Variants in PDZRN4 observed in about 807,000 individuals in gnomAD.
PDZRN4 encodes PDZ domain containing ring finger 4, also known as PDZ domain-containing RING finger protein 4.
A neutral mutation model predicts 99.0 loss-of-function variants in PDZRN4; 70 were observed. That is an observed-to-expected ratio of 0.71 (90% confidence interval 0.58 to 0.86). The LOEUF (loss-of-function observed/expected upper bound fraction) is 0.86, where lower values mean the gene tolerates loss of function less well. Ranked by LOEUF, PDZRN4 falls within the 40% of genes least tolerant of loss-of-function variation. The probability of loss-of-function intolerance (pLI) is 0.00; values close to 1 mark genes in which losing one functional copy is unlikely to be tolerated. For missense variants in PDZRN4, 1,474 were observed against 1,331.2 expected (o/e 1.11, Z -1.67); for synonymous variants, 551 against 501.6 (o/e 1.10, Z -1.32).
At chr12:41,292,897 T>G (rs376874793) in intron 3 of PDZRN4, among the ~76,000 whole-genome samples, 1 of 152,018 alleles carries the variant, frequency 6.6e-6, no homozygotes, top group Non-Finnish European at 1.5e-5. Context: ...CTCACTATTA[T>G]GAAAAGACCA....
rs1474554417 is a variant in PDZRN4 at position 41,327,698 on chromosome 12, G to A, written c.843+133510G>A. ...GTTGTTAAAGAACTCACAGTCACCA[G>A]TCACTACAACCTCTCCAGTGGTTCC... On this transcript the variant is annotated intron_variant, in intron 3 of 9. Transcript: ENST00000402685. Among the ~76,000 whole-genome samples, 5 of 152,118 alleles carry A rather than the reference G, an allele frequency of 3.3e-5. No homozygotes were observed. In the South Asian group the frequency reaches 6.2e-4, roughly 19 times the overall value.
intron 3 of PDZRN4, among the ~76,000 whole-genome samples, chr12:41,260,494 C>A (rs1050151609): frequency 6.6e-6 from 1 of 151,936 alleles, no homozygotes; most frequent in East Asian, 1.9e-4. Flanking sequence ...AAGTTATGAC[C>A]CCAATTATAC....
At chr12:41,355,869 C>T (rs941070110) in intron 3 of PDZRN4, among the ~76,000 whole-genome samples, 6 of 152,032 alleles carry the variant, frequency 3.9e-5, no homozygotes, top group African/African-American at 9.6e-5. Flanking sequence ...GACAAATGAA[C>T]GCATGTATTA....
chr12:41,398,767 T>C lies in PDZRN4; in HGVS notation c.844-107689T>C, dbSNP rs1481473592. On this transcript the variant is annotated intron_variant, in intron 3 of 9. Transcript: ENST00000402685. Reference sequence around the variant, plus strand: ...CTCTTCTCATTTCTTTCATACCTGCTGTATGTAAATTATAATACAAGAGTT... The same window carrying C: ...CTCTTCTCATTTCTTTCATACCTGCCGTATGTAAATTATAATACAAGAGTT... 2.0e-5 allele frequency among the ~76,000 whole-genome samples: 3 copies of C among 152,182 alleles called. No homozygotes were observed. In the South Asian group the frequency reaches 6.2e-4, roughly 31 times the overall value.
At chr12:41,359,324 A>G (rs1000101886) in intron 3 of PDZRN4, among the ~76,000 whole-genome samples, 2 of 152,050 alleles carry the variant, frequency 1.3e-5, no homozygotes, top group Non-Finnish European at 2.9e-5. Flanking sequence ...AAATTATTAC[A>G]TTAATATATC....
At chr12:41,539,265 A>G (rs2120761863) in intron 5 of PDZRN4, among the ~76,000 whole-genome samples, 1 of 152,152 alleles carries the variant, frequency 6.6e-6, no homozygotes, top group Non-Finnish European at 1.5e-5. Context: ...AAATATCCTG[A>G]GTTTTTTGGG....
intron 3 of PDZRN4, among the ~76,000 whole-genome samples, chr12:41,218,915 G>A (rs1223443232): frequency 6.6e-6 from 1 of 151,628 alleles, no homozygotes; most frequent in Non-Finnish European, 1.5e-5. Flanking sequence ...CAATAGCTAG[G>A]AATATTATTT....
At chr12:41,300,486 C>T (rs898158409) in intron 3 of PDZRN4, among the ~76,000 whole-genome samples, 4 of 151,904 alleles carry the variant, frequency 2.6e-5, no homozygotes, top group African/African-American at 9.7e-5. Flanking sequence ...AATAAACTGT[C>T]TGGCACACCC....
chr12:41,372,994 A>G (rs1952053408), intron 3 of PDZRN4, among the ~76,000 whole-genome samples: 2 of 152,134 alleles, frequency 1.3e-5, no homozygotes, highest in African/African-American at 4.8e-5. Flanking sequence ...AAATAGAGAA[A>G]TTTTAAAGCT....
intron 3 of PDZRN4, among the ~76,000 whole-genome samples, chr12:41,322,754 C>T (rs1415180294): frequency 6.6e-6 from 1 of 152,006 alleles, no homozygotes; most frequent in Non-Finnish European, 1.5e-5. Context: ...CCTTGGCCTC[C>T]CAAAGTGCTG....
At chr12:41,426,876 G>A (rs1952541507) in intron 3 of PDZRN4, among the ~76,000 whole-genome samples, 3 of 152,162 alleles carry the variant, frequency 2.0e-5, no homozygotes, top group Non-Finnish European at 4.4e-5. Flanking sequence ...GCGTAAAAAT[G>A]CATATTCCCA....
chr12:41,464,251 C>T (rs1226097910), intron 3 of PDZRN4, among the ~76,000 whole-genome samples: 2 of 151,844 alleles, frequency 1.3e-5, no homozygotes, highest in African/African-American at 4.8e-5. Context: ...AGCTGAATGC[C>T]AAGAGAATTA....
chr12:41,525,913 A>T (rs966178160), intron 5 of PDZRN4, among the ~76,000 whole-genome samples: 1 of 152,164 alleles, frequency 6.6e-6, no homozygotes, highest in Non-Finnish European at 1.5e-5. Context: ...CCTTTTCCCA[A>T]ACATCGTAAA....
At position 41,265,681 on chromosome 12, in the gene PDZRN4, A is replaced by T. The variant is rs921351370; in HGVS notation, c.843+71493A>T. On this transcript the variant is annotated intron_variant, in intron 3 of 9. Coordinates refer to ENST00000402685, the MANE Select transcript of PDZRN4 (RefSeq NM_001164595.2). The stretch of plus-strand genomic sequence containing the variant: ...CCCAAGGATGGACTAGACAAAGGCC[A>T]TTCACACTTTTTTCTTAGCCAGATG... 2.0e-4 allele frequency among the ~76,000 whole-genome samples: 31 copies of T among 152,358 alleles called. No individual in the cohort carries two copies. The East Asian group carries it at 3.5e-3, about 17-fold the overall frequency.
chr12:41,239,610 A>G (rs533785310), intron 3 of PDZRN4, among the ~76,000 whole-genome samples: 1 of 152,352 alleles, frequency 6.6e-6, no homozygotes, highest in Admixed American at 6.5e-5. Context: ...GAGTACTACC[A>G]GGTAAAAGGT....
At position 41,480,707 on chromosome 12, in the gene PDZRN4, T is replaced by G. The variant is rs373204185; in HGVS notation, c.844-25749T>G. Among the ~76,000 whole-genome samples, 5 of 152,260 alleles carry G rather than the reference T, an allele frequency of 3.3e-5. No individual in the cohort carries two copies. In the South Asian group the frequency reaches 1.0e-3, roughly 32 times the overall value. ...ATATTTTATAATTTCTTACCTTCTC[T>G]TCTCCTGGAAGATTTTTTTTCAGAT... is the stretch of plus-strand genomic sequence containing the variant. On this transcript the variant is annotated intron_variant, in intron 3 of 9. Coordinates refer to ENST00000402685, the MANE Select transcript of PDZRN4 (RefSeq NM_001164595.2).
chr12:41,190,404 C>T (rs958878913), intron 1 of PDZRN4, among the ~76,000 whole-genome samples: 11 of 152,068 alleles, frequency 7.2e-5, no homozygotes, highest in Admixed American at 2.0e-4. Context: ...CAGATAGAAG[C>T]TTTGTATTAC....
chr12:41,340,564 T>G (rs1951808792), intron 3 of PDZRN4, among the ~76,000 whole-genome samples: 1 of 151,890 alleles, frequency 6.6e-6, no homozygotes, highest in Non-Finnish European at 1.5e-5. Context: ...TTACTGTATA[T>G]TTTTAAATAA....
chr12:41,564,230 G>A (rs1371815293), intron 8 of PDZRN4, among the ~76,000 whole-genome samples: 1 of 152,148 alleles, frequency 6.6e-6, no homozygotes, highest in Admixed American at 6.6e-5. Context: ...TCCATGTATA[G>A]TAAATGAATT....
Sources: allele counts gnomAD v4.1 joint callset (sites outside exome capture counted in the v4.1 genomes callset), GRCh38; gene constraint gnomAD v4.1.1; transcripts MANE v1.5; gene names NCBI Gene and HGNC (gene_info 2026-07-23, HGNC 2026-07-21).